Variants in PCED1B observed in about 807,000 individuals in gnomAD.
The protein encoded by PCED1B is PC-esterase domain containing 1B, also known as PC-esterase domain-containing protein 1B.
For missense variants in PCED1B, 573 were observed against 573.9 expected (o/e 1.00, Z 0.02); for synonymous variants, 251 against 246.1 (o/e 1.02, Z -0.19).
At chr12:47,135,665 G>A in intron 2 of PCED1B, 1 of 518,086 alleles carries the variant, frequency 1.9e-6, no homozygotes, top group Non-Finnish European at 3.9e-6. Flanking sequence ...TCACAGAGTA[G>A]ATGAATGCTA....
chr12:47,169,811 T>C (rs1215542160), intron 2 of PCED1B, among the ~76,000 whole-genome samples: 1 of 149,838 alleles, frequency 6.7e-6, no homozygotes, highest in Admixed American at 6.7e-5. Context: ...ACTATTATCA[T>C]GCCGCTGTAT....
intron 2 of PCED1B, among the ~76,000 whole-genome samples, chr12:47,127,318 T>G (rs958332211): frequency 1.3e-5 from 2 of 152,110 alleles, no homozygotes; most frequent in Non-Finnish European, 2.9e-5. Flanking sequence ...AGTGTGTTAT[T>G]TAGTTTCCAA....
intron 1 of PCED1B, among the ~76,000 whole-genome samples, chr12:47,094,841 T>C (rs1025746281): frequency 6.6e-6 from 1 of 152,082 alleles, no homozygotes; most frequent in East Asian, 1.9e-4. Context: ...TGTTTTTTAT[T>C]CCTTCCTTCA....
chr12:47,100,286 A>G (rs1938647080), intron 1 of PCED1B, among the ~76,000 whole-genome samples: 2 of 152,168 alleles, frequency 1.3e-5, no homozygotes, highest in African/African-American at 4.8e-5. Context: ...CTATCATATT[A>G]TGTTCTTGTC....
chr12:47,109,354 A>G (rs1467808992), intron 2 of PCED1B, among the ~76,000 whole-genome samples: 1 of 41,536 alleles, frequency 2.4e-5, no homozygotes, highest in African/African-American at 7.2e-5. Context: ...TACTTGAAAA[A>G]CTTTTTTTTT....
chr12:47,095,682 T>C (rs983370826), intron 1 of PCED1B, among the ~76,000 whole-genome samples: 41 of 152,330 alleles, frequency 2.7e-4, no homozygotes, highest in African/African-American at 9.9e-4. Flanking sequence ...ATGCTGTGTG[T>C]CATCTGCTGT....
At chr12:47,156,071 A>G (rs964883916) in intron 2 of PCED1B, among the ~76,000 whole-genome samples, 9 of 152,238 alleles carry the variant, frequency 5.9e-5, no homozygotes, top group African/African-American at 2.2e-4. Context: ...AAGCCCCTTC[A>G]GAACTCCTGA....
At chr12:47,192,423 C>A (rs1592264072) in intron 2 of PCED1B, among the ~76,000 whole-genome samples, 1 of 152,206 alleles carries the variant, frequency 6.6e-6, no homozygotes, top group South Asian at 2.1e-4. Context: ...CTGATCGGCT[C>A]TATCCAAATG....
intron 1 of PCED1B, among the ~76,000 whole-genome samples, chr12:47,099,399 A>G (rs553868150): frequency 5.3e-5 from 8 of 152,252 alleles, no homozygotes; most frequent in African/African-American, 1.9e-4. Flanking sequence ...ACCACATACT[A>G]CATAAGCTCT....
At chr12:47,150,628 G>A (rs1236929503) in intron 2 of PCED1B, among the ~76,000 whole-genome samples, 3 of 151,752 alleles carry the variant, frequency 2.0e-5, no homozygotes, top group South Asian at 2.1e-4. Context: ...ACAGAAGCCT[G>A]AAGGAAGTGG....
At chr12:47,135,790 G>C (rs1318744463) in intron 2 of PCED1B, 19 of 513,840 alleles carry the variant, frequency 3.7e-5, no homozygotes, top group Middle Eastern at 3.7e-4. Context: ...GGAGGCACAG[G>C]GTTGTGGGGT....
In PCED1B at chr12:47,216,437, C is replaced by T. The variant is rs1943263440; in HGVS notation, c.-310C>T. 1 of 152,202 alleles carries T rather than the reference C, an allele frequency of 6.6e-6. No individual in the cohort carries two copies. Among genetic ancestry groups the T allele is most frequent in the Non-Finnish European group, 1.5e-5 (1 of 68,048 alleles). The allele number at this position is 152,202 out of a possible 1,614,324, so 9.4% of individuals were successfully genotyped here. A position where few individuals can be genotyped will look rare whatever the true frequency, so the allele number is the denominator to read the frequency against. On this transcript the variant is annotated 5_prime_UTR_variant, in exon 3 of 4. Coordinates refer to ENST00000546455, the MANE Select transcript of PCED1B (RefSeq NM_138371.3). Reference sequence around the variant, plus strand: ...CTTGAAGCTTCGGTCATTAGTCTTCCGCTTCCTAAAGCAAGAAACTAAATG... The same window carrying T: ...CTTGAAGCTTCGGTCATTAGTCTTCTGCTTCCTAAAGCAAGAAACTAAATG...
At position 47,085,059 on chromosome 12, in the gene PCED1B, G is replaced by A. The variant is rs920712127; in HGVS notation, c.-609+5334G>A. Among the ~76,000 whole-genome samples the A allele has an allele frequency of 2.3e-4, 35 of 152,284 alleles. 1 individual carries two copies. The highest frequency in any genetic ancestry group is 4.6e-4 in the Admixed American group (7 of 15,306). On this transcript the variant is annotated intron_variant, in intron 1 of 3. Transcript: ENST00000546455. ...CTCAGGAGGCTAAGGCACGAGAATC[G>A]CTTGAACCTGGGAGACAGAGGTTGC...
intron 2 of PCED1B, among the ~76,000 whole-genome samples, chr12:47,187,431 C>T (rs570916345): frequency 3.7e-4 from 57 of 152,190 alleles, no homozygotes; most frequent in African/African-American, 1.4e-3. Context: ...GGATTATTAA[C>T]TCAGTTTCAA....
intron 1 of PCED1B, among the ~76,000 whole-genome samples, chr12:47,090,798 T>C (rs1372583257): frequency 6.6e-6 from 1 of 152,238 alleles, no homozygotes; most frequent in Non-Finnish European, 1.5e-5. Flanking sequence ...GCTACTGATA[T>C]AGCCCAAATT....
chr12:47,215,100 C>G (rs979878491), intron 2 of PCED1B, among the ~76,000 whole-genome samples: 10 of 151,980 alleles, frequency 6.6e-5, no homozygotes, highest in Admixed American at 5.9e-4. Flanking sequence ...TGCATTTTCT[C>G]TCTCTCTTTT....
Position 47,230,086 on chromosome 12 carries a change from CT to C in PCED1B, c.-57-4904del, listed in dbSNP as rs368243759. ...ACTGCACTCAGCAAGTAATCATTTT[CT>C]TTTTTTTTTTTTTTTTGAGACGGAG... is the stretch of plus-strand genomic sequence containing the variant. On this transcript the variant is annotated intron_variant, in intron 3 of 3. Coordinates refer to ENST00000546455, the MANE Select transcript of PCED1B (RefSeq NM_138371.3). 5.4e-3 allele frequency among the ~76,000 whole-genome samples: 623 copies of C among 114,856 alleles called. 1 individual carries two copies. The highest frequency in any genetic ancestry group is 0.018 in the African/African-American group (518 of 29,542). The allele number at this position is 114,856 out of a possible 152,430, so 75.3% of individuals were successfully genotyped here. A position where few individuals can be genotyped will look rare whatever the true frequency, so the allele number is the denominator to read the frequency against.
intron 1 of PCED1B, among the ~76,000 whole-genome samples, chr12:47,081,094 A>G (rs909933329): frequency 6.6e-6 from 1 of 152,202 alleles, no homozygotes; most frequent in African/African-American, 2.4e-5. Flanking sequence ...GTTTAATTCC[A>G]AGATAAGTTT....
intron 3 of PCED1B, among the ~76,000 whole-genome samples, chr12:47,224,235 G>A (rs916492908): frequency 2.0e-5 from 3 of 152,192 alleles, no homozygotes; most frequent in Non-Finnish European, 4.4e-5. Context: ...GTTTAAAAAA[G>A]TGAGGTCACT....
Sources: gnomAD v4.1 joint callset for allele counts (sites outside exome capture counted in the v4.1 genomes callset) on GRCh38, gnomAD v4.1.1 for gene constraint, MANE v1.5 for transcripts, NCBI Gene and HGNC (gene_info 2026-07-23, HGNC 2026-07-21) for gene names.